CNTNAP2: variants seen among roughly 807,000 people sequenced by gnomAD.
CNTNAP2 encodes contactin-associated protein-like 2.
Under a neutral mutation model 155.2 loss-of-function variants are expected in CNTNAP2, and 98 were observed. The ratio of observed to expected loss-of-function variants is 0.63; its 90% CI spans 0.54 to 0.75. The LOEUF (loss-of-function observed/expected upper bound fraction) is 0.75. CNTNAP2 is among the 30% of genes least tolerant of loss of function. The pLI, the probability that CNTNAP2 is intolerant of heterozygous loss-of-function variation, is 0.00. For missense variants in CNTNAP2, 1,727 were observed against 1,688.1 expected (o/e 1.02, Z -0.40); for synonymous variants, 651 against 631.2 (o/e 1.03, Z -0.47).
At chr7:148,312,149 G>C (rs764094393) in intron 21 of CNTNAP2, among the ~76,000 whole-genome samples, 1 of 152,162 alleles carries the variant, frequency 6.6e-6, no homozygotes, top group African/African-American at 2.4e-5. Context: ...CAGACATGAG[G>C]GCTAGGCTAA....
intron 17 of CNTNAP2, among the ~76,000 whole-genome samples, chr7:148,166,721 C>A (rs1391284849): frequency 6.6e-6 from 1 of 152,198 alleles, no homozygotes; most frequent in Admixed American, 6.5e-5. Context: ...ACAGGTCTGA[C>A]TAATGTGCGT....
chr7:146,977,725 A>C (rs1285127531), intron 3 of CNTNAP2, among the ~76,000 whole-genome samples: 8 of 152,200 alleles, frequency 5.3e-5, no homozygotes. Context: ...TTTTAAATTT[A>C]TGTATGTATT....
chr7:148,115,404 A>G (rs1362266314), intron 15 of CNTNAP2, among the ~76,000 whole-genome samples: 1 of 152,210 alleles, frequency 6.6e-6, no homozygotes, highest in East Asian at 1.9e-4. Flanking sequence ...TTAAAATGTT[A>G]ATTGCATTCG....
At chr7:148,053,266 C>T (rs1199698733) in intron 15 of CNTNAP2, among the ~76,000 whole-genome samples, 1 of 152,026 alleles carries the variant, frequency 6.6e-6, no homozygotes, top group African/African-American at 2.4e-5. Context: ...CTTACATTTT[C>T]TTTATGGTTT....
At chr7:146,263,268 A>G (rs1315996958) in intron 1 of CNTNAP2, among the ~76,000 whole-genome samples, 1 of 139,742 alleles carries the variant, frequency 7.2e-6, no homozygotes, top group Non-Finnish European at 1.5e-5. Context: ...TGAGCGAGGG[A>G]GGGAGGGAGG....
chr7:146,731,026 T>C (rs932589455), intron 1 of CNTNAP2, among the ~76,000 whole-genome samples: 10 of 152,158 alleles, frequency 6.6e-5, no homozygotes, highest in African/African-American at 2.2e-4. Context: ...ATTTTCCAGC[T>C]TGAGGTGATT....
At chr7:146,541,455 C>T (rs763525160) in intron 1 of CNTNAP2, among the ~76,000 whole-genome samples, 3 of 151,946 alleles carry the variant, frequency 2.0e-5, no homozygotes, top group African/African-American at 4.8e-5. Flanking sequence ...TAACATGACT[C>T]AAGAAAGTCC....
chr7:147,802,583 G>C (rs866647351), intron 13 of CNTNAP2, among the ~76,000 whole-genome samples: 7 of 152,136 alleles, frequency 4.6e-5, no homozygotes, highest in African/African-American at 1.7e-4. Context: ...AGACCAGCCC[G>C]GCCAACACAG....
At chr7:146,287,627 C>T (rs1315552223) in intron 1 of CNTNAP2, among the ~76,000 whole-genome samples, 1 of 152,152 alleles carries the variant, frequency 6.6e-6, no homozygotes, top group Non-Finnish European at 1.5e-5. Flanking sequence ...CTTCTAATCA[C>T]AAGCCTCCAA....
chr7:147,695,285 T>A (rs942658401), intron 13 of CNTNAP2, among the ~76,000 whole-genome samples: 1 of 152,164 alleles, frequency 6.6e-6, no homozygotes, highest in Admixed American at 6.5e-5. Flanking sequence ...ATATTTTATG[T>A]GAGTCTGAGA....
intron 15 of CNTNAP2, among the ~76,000 whole-genome samples, chr7:148,053,053 A>G (rs1027379693): frequency 9.9e-5 from 15 of 152,200 alleles, no homozygotes; most frequent in Admixed American, 2.6e-4. Context: ...TCTCAAAAAA[A>G]CAAGAAACAT....
At chr7:148,239,879 G>A (rs1221880474) in intron 20 of CNTNAP2, among the ~76,000 whole-genome samples, 1 of 152,172 alleles carries the variant, frequency 6.6e-6, no homozygotes, top group African/African-American at 2.4e-5. Context: ...TTCTCAAGAT[G>A]TCCAGGACTC....
chr7:147,851,589 G>C (rs1487088633), intron 13 of CNTNAP2, among the ~76,000 whole-genome samples: 1 of 152,044 alleles, frequency 6.6e-6, no homozygotes, highest in Non-Finnish European at 1.5e-5. Context: ...ATACTATGCA[G>C]CCATAAAAAA....
chr7:146,825,778 T>A (rs1803388928), intron 2 of CNTNAP2, among the ~76,000 whole-genome samples: 2 of 152,154 alleles, frequency 1.3e-5, no homozygotes, highest in African/African-American at 4.8e-5. Flanking sequence ...GTGGTCGACC[T>A]AGCTTCAAAA....
chr7:146,801,517 G>C (rs1342636120), intron 2 of CNTNAP2, among the ~76,000 whole-genome samples: 1 of 152,222 alleles, frequency 6.6e-6, no homozygotes, highest in Non-Finnish European at 1.5e-5. Flanking sequence ...GGCATAAAAA[G>C]TTTCTATTTC....
At chr7:147,506,406 C>T (rs913335622) in intron 11 of CNTNAP2, among the ~76,000 whole-genome samples, 2 of 152,088 alleles carry the variant, frequency 1.3e-5, no homozygotes, top group African/African-American at 4.8e-5. Context: ...CAGGCATGCA[C>T]CACCATGCCC....
chr7:147,306,910 C>CCA (rs747323876), intron 9 of CNTNAP2, among the ~76,000 whole-genome samples: 1 of 151,980 alleles, frequency 6.6e-6, no homozygotes, highest in Non-Finnish European at 1.5e-5. Flanking sequence ...AATAAAACAA[C>CCA]CACACACACA....
intron 1 of CNTNAP2, among the ~76,000 whole-genome samples, chr7:146,434,144 G>T (rs978592586): frequency 2.6e-4 from 39 of 152,058 alleles, no homozygotes; most frequent in African/African-American, 8.7e-4. Flanking sequence ...GTTCACTGTA[G>T]CATTAAACTG....
intron 1 of CNTNAP2, 140 bp from the exon 2 acceptor site, chr7:146,774,131 C>T (rs1481693428): frequency 7.3e-6 from 5 of 682,768 alleles, no homozygotes; most frequent in Admixed American, 4.3e-5. Flanking sequence ...AACAGAATTG[C>T]CTAAATTCCT....
Sources: gnomAD v4.1 joint callset for allele counts (sites outside exome capture counted in the v4.1 genomes callset) on GRCh38, gnomAD v4.1.1 for gene constraint, MANE v1.5 for transcripts, NCBI Gene and HGNC (gene_info 2026-07-23, HGNC 2026-07-21) for gene names.